OR51B5: variants seen among roughly 807,000 people sequenced by gnomAD.
The protein encoded by OR51B5 is olfactory receptor 51B5.
For missense variants in OR51B5, 456 were observed against 374.6 expected, an observed-to-expected ratio of 1.22 and a Z score of -1.79; for synonymous variants, 186 against 144.8, an observed-to-expected ratio of 1.28 and a Z score of -2.04.
intron 1 of OR51B5, among the ~76,000 whole-genome samples, chr11:5,495,043 A>G (rs1156771956): frequency 1.3e-5 from 2 of 152,218 alleles, no homozygotes; most frequent in East Asian, 3.8e-4. Context: ...TCCAGCTGCT[A>G]TCCCCCTAGA....
At chr11:5,352,477 C>G (rs368257514) in intron 1 of OR51B5, 629 of 1,408,920 alleles carry the variant, frequency 4.5e-4, no homozygotes, top group Non-Finnish European at 5.7e-4. Context: ...AGGAATAATT[C>G]AGGGGACCTG....
At chr11:5,404,502 G>A (rs1355226370) in intron 1 of OR51B5, among the ~76,000 whole-genome samples, 1 of 151,450 alleles carries the variant, frequency 6.6e-6, no homozygotes, top group Non-Finnish European at 1.5e-5. Flanking sequence ...TCTGTAAAAT[G>A]GACCAATCAG....
At chr11:5,470,515 C>T (rs1048954142) in intron 1 of OR51B5, among the ~76,000 whole-genome samples, 2 of 151,866 alleles carry the variant, frequency 1.3e-5, no homozygotes, top group South Asian at 4.2e-4. Context: ...ATGTCTGCTG[C>T]CCAGGCTTCT....
At chr11:5,342,534 G>GC, downstream of OR51B5, 1 of 1,521,088 alleles carries the variant, frequency 6.6e-7, no homozygotes, top group East Asian at 2.3e-5. Flanking sequence ...TTGCTCTCCT[G>GC]CTAAATATTA....
At chr11:5,431,553 G>A (rs1850535723) in intron 1 of OR51B5, 1 of 157,830 alleles carries the variant, frequency 6.3e-6, no homozygotes, top group Non-Finnish European at 1.4e-5. Flanking sequence ...TGGGATGCCA[G>A]TCAGGAAGAC....
chr11:5,350,810 T>A (rs4243955), intron 1 of OR51B5, among the ~76,000 whole-genome samples: 142,713 of 152,234 alleles, frequency 0.94, 67,456 homozygotes, highest in Non-Finnish European at 0.98. Flanking sequence ...GCTGGGCAAC[T>A]TAGAGTTCTA....
intron 1 of OR51B5, among the ~76,000 whole-genome samples, chr11:5,399,189 T>C (rs1849928942): frequency 6.6e-6 from 1 of 152,200 alleles, no homozygotes. Context: ...ACAAAATGCT[T>C]ATGTCTGGTT....
At chr11:5,355,885 G>C (rs140163402) in intron 1 of OR51B5, among the ~76,000 whole-genome samples, 1 of 152,138 alleles carries the variant, frequency 6.6e-6, no homozygotes, top group African/African-American at 2.4e-5. Context: ...CAAGGTCCTG[G>C]AAGTTCTTTT....
chr11:5,350,682 TATCA>T (rs1331989995), intron 1 of OR51B5, among the ~76,000 whole-genome samples: 1 of 152,232 alleles, frequency 6.6e-6, no homozygotes, highest in African/African-American at 2.4e-5. Context: ...TTGGTGCTAT[TATCA>T]ATTAGTGCCT....
chr11:5,438,727 C>T (rs575831322), intron 1 of OR51B5, among the ~76,000 whole-genome samples: 58 of 152,174 alleles, frequency 3.8e-4, no homozygotes, highest in South Asian at 1.5e-3. Flanking sequence ...AATCTCAAGA[C>T]GAGGGCTTAT....
intron 1 of OR51B5, among the ~76,000 whole-genome samples, chr11:5,354,184 T>C (rs981057077): frequency 9.9e-5 from 15 of 152,198 alleles, no homozygotes; most frequent in Admixed American, 5.2e-4. Flanking sequence ...GCTCTCTGTA[T>C]TGTCTTCCAA....
At chr11:5,342,454 A>G, downstream of OR51B5, 1 of 1,130,490 alleles carries the variant, frequency 8.8e-7, no homozygotes, top group Non-Finnish European at 1.2e-6. Context: ...ACCTTAGGGA[A>G]ACTTGAAGCT....
chr11:5,441,083 C>T lies in OR51B5; in HGVS notation n.84+64486G>A, dbSNP rs115222504. 3.5e-4 allele frequency: 562 copies of T among 1,613,948 alleles called. 2 individuals are homozygous for T. The African/African-American group carries it at 6.7e-3, about 19-fold the overall frequency. On this transcript the variant is annotated intron_variant and non_coding_transcript_variant, in intron 1 of 4. Transcript: ENST00000415970. ...TGGTAAGGATGCCCAGACCCATAGC[C>T]AATATACGGTTGTGAGTGAGCACAG...
chr11:5,482,629 G>A (rs1851440994), intron 1 of OR51B5, among the ~76,000 whole-genome samples: 1 of 116,420 alleles, frequency 8.6e-6, no homozygotes, highest in African/African-American at 3.5e-5. Flanking sequence ...CTAATATCCA[G>A]AATCTACAAT....
At chr11:5,461,258 G>C (rs1054938005) in intron 1 of OR51B5, among the ~76,000 whole-genome samples, 15 of 152,196 alleles carry the variant, frequency 9.9e-5, no homozygotes, top group South Asian at 2.1e-4. Flanking sequence ...CTGCAGGCCA[G>C]GGGGTGGAGG....
chr11:5,438,109 T>C lies in OR51B5; in HGVS notation n.84+67460A>G, dbSNP rs570911079. On this transcript the variant is annotated intron_variant and non_coding_transcript_variant, in intron 1 of 4. Transcript: ENST00000415970. ...AATCATGAATCATGACCTTGTAAGT[T>C]AGGTCACAGAATCATGGACAAAGAA... Among the ~76,000 whole-genome samples, 4 of 152,202 alleles carry C rather than the reference T, an allele frequency of 2.6e-5. No homozygotes were observed. The East Asian group carries it at 7.7e-4, about 29-fold the overall frequency.
At chr11:5,359,556 T>C (rs1849248642) in intron 1 of OR51B5, among the ~76,000 whole-genome samples, 1 of 136,252 alleles carries the variant, frequency 7.3e-6, no homozygotes, top group African/African-American at 2.7e-5. Context: ...ATCATGAAAA[T>C]GGCCATACAG....
At chr11:5,455,568 A>AGAGAGAGAGAGAGAGAGAGAGAGAGAG (rs531763892) in intron 1 of OR51B5, 2 of 135,424 alleles carry the variant, frequency 1.5e-5, no homozygotes, top group Non-Finnish European at 3.1e-5. Context: ...AAGGGGGGAG[A>AGAGAGAGAGAGAGAGAGAGAGAGAGAG]GAGAGAGAGA....
chr11:5,465,411 A>C lies in OR51B5; in HGVS notation n.84+40158T>G, dbSNP rs572513033. ...GCTGCATAAATGTCTTCTTTTGAGA[A>C]GTGTCAAGCTACCAATGACTTTCTT... On this transcript the variant is annotated intron_variant and non_coding_transcript_variant, in intron 1 of 4. Coordinates refer to the OR51B5 transcript ENST00000415970. 3.3e-3 allele frequency among the ~76,000 whole-genome samples: 500 copies of C among 152,128 alleles called. 15 individuals carry two copies. The highest frequency in any genetic ancestry group is 9.9e-4 in the Non-Finnish European group (67 of 68,002).
Sources: allele counts gnomAD v4.1 joint callset (sites outside exome capture counted in the v4.1 genomes callset), GRCh38; gene constraint gnomAD v4.1.1; transcripts MANE v1.5; gene names NCBI Gene and HGNC (gene_info 2026-07-23, HGNC 2026-07-21).